ATP13A2: variants seen among roughly 807,000 people sequenced by gnomAD.
ATP13A2 encodes the protein ATPase cation transporting 13A2.
ATP13A2 carries 83 observed loss-of-function variants against 138.3 expected under a neutral mutation model. The ratio of observed to expected loss-of-function variants is 0.60; its 90% CI spans 0.50 to 0.72. The LOEUF (loss-of-function observed/expected upper bound fraction) is 0.72, where lower values mean the gene tolerates loss of function less well. Among genes scored for constraint, ATP13A2 ranks in the 30% least tolerant of loss-of-function variants. ATP13A2 has a pLI of 0.00. For missense variants in ATP13A2, 1,402 were observed against 1,606.4 expected (o/e 0.87, Z 2.17); for synonymous variants, 663 against 699.0 (o/e 0.95, Z 0.81).
chr1:16,991,635 C>CA lies in ATP13A2; in HGVS notation c.2251+98dup. The CA allele has an allele frequency of 3.8e-6, 6 of 1,585,640 alleles. No homozygotes were observed. In the South Asian group the frequency reaches 6.7e-5, roughly 18 times the overall value. Reference sequence around the variant, plus strand: ...AAGGACCTGGCCTGAAGCAAGGGCCCAAAAAGATGCCCCAAAAAGGAATCC... The same window carrying CA: ...AAGGACCTGGCCTGAAGCAAGGGCCCAAAAAAGATGCCCCAAAAAGGAATCC... On this transcript the variant is annotated intron_variant, in intron 20 of 28. Transcript: ENST00000326735.
At chr1:17,001,263 C>CAAAAAAAAAAAAAAAAAAA in intron 8 of ATP13A2, among the ~76,000 whole-genome samples, 1 of 124,012 alleles carries the variant, frequency 8.1e-6, no homozygotes, top group Admixed American at 8.5e-5. Flanking sequence ...ACTAAAAATA[C>CAAAAAAAAAAAAAAAAAAA]AAAAAAAAAA....
Position 16,996,162 on chromosome 1 carries a change from C to G in ATP13A2, c.1356G>C (p.Val452=). Residue 452 remains valine (V), a splice_region_variant and synonymous_variant, in exon 15 of 29, where the codon GTG becomes GTC. Coordinates refer to ENST00000326735, the MANE Select transcript of ATP13A2 (RefSeq NM_022089.4). The stretch of plus-strand genomic sequence containing the variant: ...CCCGGATTACAATCTCATTCAGAGG[C>G]ACCTGGCAGGGGGCACCATGAATGT... ...YSIFILYRNR[V]PLNEIVIRAL... is the part of the protein sequence containing the mutation. 1 of 1,614,180 alleles carries G rather than the reference C, an allele frequency of 6.2e-7. No individual in the cohort carries two copies. The highest frequency in any genetic ancestry group is 1.1e-5 in the South Asian group (1 of 91,092).
chr1:16,986,417 C>T lies in ATP13A2; in HGVS notation c.3405+46G>A, dbSNP rs1223855729. On this transcript the variant is annotated intron_variant, in intron 28 of 28. Transcript: ENST00000326735. This position sits in a 1 kb window ranked among gnomAD's most constrained non-coding sequence, Gnocchi z 6.9. ...GGGGCTGAGCTGGGGTCAATGCACC[C>T]CCACCTCCCTTCTCTCCCGCTGCTG... The T allele has an allele frequency of 6.2e-7, 1 of 1,605,404 alleles. No individual in the cohort carries two copies. The highest frequency in any genetic ancestry group is 1.1e-5 in the South Asian group (1 of 90,470).
intron 16 of ATP13A2, 67 bp from the exon 17 acceptor site, chr1:16,992,648 C>G: frequency 1.3e-6 from 2 of 1,530,132 alleles, no homozygotes; most frequent in Non-Finnish European, 1.8e-6. Context: ...GAGCTAGACT[C>G]AGGGAAGACT....
At chr1:16,998,780 G>A (rs908678913) in intron 11 of ATP13A2, among the ~76,000 whole-genome samples, 4 of 152,170 alleles carry the variant, frequency 2.6e-5, no homozygotes, top group African/African-American at 9.7e-5. Flanking sequence ...ATGCAGCCAT[G>A]AGGTGGGGCC....
At chr1:16,990,871 G>A (rs1288383601) in intron 20 of ATP13A2, among the ~76,000 whole-genome samples, 1 of 152,040 alleles carries the variant, frequency 6.6e-6, no homozygotes, top group East Asian at 1.9e-4. Context: ...GCCCATGAAT[G>A]TGTGTGCACA....
At chr1:16,996,983 C>G (rs2100911320) in intron 12 of ATP13A2, 37 bp downstream of exon 12, 1 of 1,601,610 alleles carries the variant, frequency 6.2e-7, no homozygotes, top group African/African-American at 1.3e-5. Flanking sequence ...GGTGCTGAGC[C>G]CGGGATCTCT....
At chr1:17,009,585 G>A (rs1406159903) in intron 1 of ATP13A2, among the ~76,000 whole-genome samples, 1 of 151,556 alleles carries the variant, frequency 6.6e-6, no homozygotes, top group Non-Finnish European at 1.5e-5. Flanking sequence ...GTAGGGACAG[G>A]GTCTCATTTT....
intron 15 of ATP13A2, 45 bp from the exon 16 acceptor site, chr1:16,993,880 G>T (rs952541474): frequency 1.4e-6 from 2 of 1,474,610 alleles, no homozygotes; most frequent in African/African-American, 1.4e-5. Flanking sequence ...CCTGGGATGG[G>T]GGTACCCTGC....
intron 1 of ATP13A2, among the ~76,000 whole-genome samples, chr1:17,006,650 C>T (rs758953002): frequency 6.6e-6 from 1 of 152,106 alleles, no homozygotes; most frequent in South Asian, 2.1e-4. Context: ...CCATGGTGCT[C>T]GTGCATCCAG....
Position 17,004,938 on chromosome 1 carries a change from G to T in ATP13A2, c.347+76C>A. The T allele has an allele frequency of 6.2e-7, 1 of 1,611,946 alleles. No homozygotes were observed. The highest frequency in any genetic ancestry group is 1.1e-5 in the South Asian group (1 of 90,994). On this transcript the variant is annotated intron_variant, in intron 4 of 28. Transcript: ENST00000326735. This position sits in a 1 kb window ranked among gnomAD's most constrained non-coding sequence, Gnocchi z 4.1. ...GAGGCGCCAGAGTCAGCCTTTATGG[G>T]GGGGCCGAGGGTTGGGGAAGTTGGG...
Position 16,992,121 on chromosome 1 carries a change from C to T in ATP13A2, c.2014G>A (p.Asp672Asn), listed in dbSNP as rs774061653. ...TAGCTCTGCAGCATCTGGGCGAAGTCGGTGGGCACTGCCAGGGAGAGGCAG... is the reference window on the plus strand; with the variant it reads ...TAGCTCTGCAGCATCTGGGCGAAGTTGGTGGGCACTGCCAGGGAGAGGCAG... ...GLCNPETVPT[D>N]FAQMLQSYTA... is the part of the protein sequence containing the mutation. The change falls in exon 19 of 29, where the codon GAC becomes AAC. Residue 672 changes from aspartate to asparagine, a missense_variant. Asp to Asn is a conservative substitution (Grantham distance 23, BLOSUM62 1). Transcript: ENST00000326735. 3 of 1,613,086 alleles carry T rather than the reference C, an allele frequency of 1.9e-6. No homozygotes were observed. Among genetic ancestry groups the T allele is most frequent in the East Asian group, 2.2e-5 (1 of 44,860 alleles).
At chr1:17,000,731 C>A in intron 8 of ATP13A2, 197 bp from the exon 9 acceptor site, 1 of 692,154 alleles carries the variant, frequency 1.4e-6, no homozygotes, top group Non-Finnish European at 2.4e-6. Flanking sequence ...CTAAAGAGGA[C>A]AAGGGTTTAT....
At chr1:17,008,603 C>G (rs1349742345) in intron 1 of ATP13A2, among the ~76,000 whole-genome samples, 2 of 152,144 alleles carry the variant, frequency 1.3e-5, no homozygotes, top group African/African-American at 4.8e-5. Context: ...GTCTGAAGCC[C>G]TGGCTGTCCC....
chr1:17,003,412 G>C (rs2077432756), intron 6 of ATP13A2, among the ~76,000 whole-genome samples: 1 of 151,980 alleles, frequency 6.6e-6, no homozygotes, highest in African/African-American at 2.4e-5. Flanking sequence ...GCAAAAATTA[G>C]CTGGGTGTGG....
At chr1:17,000,334 G>A (rs1362011154) in intron 9 of ATP13A2, 22 bp from the exon 10 acceptor site, 7 of 1,583,274 alleles carry the variant, frequency 4.4e-6, no homozygotes, top group Non-Finnish European at 6.0e-6. Context: ...GGACAAGAGG[G>A]CCGTGAGTGG....
chr1:17,002,806 G>A (rs1382572647), intron 6 of ATP13A2, among the ~76,000 whole-genome samples: 2 of 152,150 alleles, frequency 1.3e-5, no homozygotes, highest in African/African-American at 2.4e-5. Flanking sequence ...GGACGTGCCT[G>A]CCACTTGCTA....
At chr1:16,989,633 C>T (rs369871753) in intron 23 of ATP13A2, 58 bp downstream of exon 23, 16 of 1,565,300 alleles carry the variant, frequency 1.0e-5, no homozygotes, top group Middle Eastern at 1.7e-4. Flanking sequence ...GATGAACAGA[C>T]GAACGGACAA....
rs1352612761 is a variant in ATP13A2 at position 16,992,250 on chromosome 1, G to A, written c.1998C>T (p.Pro666=). The A allele has an allele frequency of 1.6e-5, 25 of 1,612,472 alleles. No homozygotes were observed. The highest frequency in any genetic ancestry group is 2.7e-5 in the African/African-American group (2 of 74,950). The part of the protein sequence containing the change: ...SPELVAGLCN[P]ETVPTDFAQM... ...AGGGGCTTCCCCCTGCACCTGTCTC[G>A]GGGTTGCAGAGCCCTGCCACCAGCT... is the stretch of plus-strand genomic sequence containing the variant. Residue 666 remains proline, a synonymous_variant, in exon 18 of 29, where the codon CCC becomes CCT. Transcript: ENST00000326735.
Sources: gnomAD v4.1 joint callset for allele counts (sites outside exome capture counted in the v4.1 genomes callset) on GRCh38, gnomAD v4.1.1 for gene constraint, Gnocchi (gnomAD v3.1) non-coding constraint, MANE v1.5 for transcripts, NCBI Gene and HGNC (gene_info 2026-07-23, HGNC 2026-07-21) for gene names.